Variants in CNTLN observed in about 807,000 individuals in gnomAD.
CNTLN encodes the protein centlein, also known as centlein, centrosomal protein.
In CNTLN, 212 loss-of-function variants were observed where a neutral mutation model predicts 180.0. The observed-to-expected ratio is 1.18, with a 90% CI of 1.05 to 1.32. The LOEUF (loss-of-function observed/expected upper bound fraction) is 1.32. Among genes scored for constraint, CNTLN ranks in the 40% most tolerant of loss-of-function variants. The probability of loss-of-function intolerance (pLI) is 0.00; values close to 1 mark genes in which losing one functional copy is unlikely to be tolerated. For missense variants in CNTLN, 2,095 were observed against 1,610.9 expected (o/e 1.30, Z -5.14); for synonymous variants, 722 against 563.1 (o/e 1.28, Z -3.99).
intron 18 of CNTLN, among the ~76,000 whole-genome samples, chr9:17,419,631 A>G (rs545720207): frequency 9.2e-5 from 14 of 152,292 alleles, no homozygotes; most frequent in African/African-American, 2.4e-4. Flanking sequence ...TCTATAAAAG[A>G]TTTTTGGAAA....
At chr9:17,309,304 TCTC>T (rs759524974) in intron 8 of CNTLN, 52 bp downstream of exon 8, 10 of 1,336,690 alleles carry the variant, frequency 7.5e-6, no homozygotes, top group African/African-American at 2.9e-5. Flanking sequence ...AATGAAATCA[TCTC>T]CTACAATTGA....
chr9:17,142,454 AT>A (rs892716224), intron 1 of CNTLN, among the ~76,000 whole-genome samples: 9 of 151,744 alleles, frequency 5.9e-5, no homozygotes, highest in South Asian at 4.2e-4. Flanking sequence ...GGAACCAATA[AT>A]TTTTTTTTGA....
At chr9:17,478,413 C>G (rs1453299247) in intron 23 of CNTLN, among the ~76,000 whole-genome samples, 1 of 151,976 alleles carries the variant, frequency 6.6e-6, no homozygotes, top group African/African-American at 2.4e-5. Context: ...TTGATGTAGT[C>G]CTACTTATTT....
At chr9:17,453,167 G>T (rs1830890075) in intron 18 of CNTLN, among the ~76,000 whole-genome samples, 1 of 151,948 alleles carries the variant, frequency 6.6e-6, no homozygotes, top group South Asian at 2.1e-4. Context: ...TTAAAAATTG[G>T]CTGGGTATGA....
chr9:17,213,215 A>G (rs918738817), intron 2 of CNTLN, among the ~76,000 whole-genome samples: 3 of 152,184 alleles, frequency 2.0e-5, no homozygotes, highest in Non-Finnish European at 4.4e-5. Flanking sequence ...TTCCCTCTAC[A>G]CACTGCTTTA....
At chr9:17,187,389 A>G (rs73416380) in intron 2 of CNTLN, among the ~76,000 whole-genome samples, 1,814 of 152,092 alleles carry the variant, frequency 0.012, 30 homozygotes, top group African/African-American at 0.042. Flanking sequence ...TCATGTTTTT[A>G]AGGTTGAGAA....
rs762739548 is a variant in CNTLN, at chr9:17,309,269, A to G, written c.1341+17A>G. The G allele has an allele frequency of 1.1e-5, 17 of 1,521,586 alleles. No individual in the cohort carries two copies. In the South Asian group the frequency reaches 2.1e-4, roughly 19 times the overall value. 94.3% of individuals were successfully genotyped at this position (1,521,586 alleles called of 1,614,324 possible). A position where few individuals can be genotyped will look rare whatever the true frequency, so the allele number is the denominator to read the frequency against. ...TCAGCACAGGTGAGAGACATTTTCTAAAACTGTTATTCAGTGTAATATTAA... is the reference window on the plus strand; with the variant it reads ...TCAGCACAGGTGAGAGACATTTTCTGAAACTGTTATTCAGTGTAATATTAA... On this transcript the variant is annotated intron_variant, in intron 8 of 25. Transcript: ENST00000380647.
chr9:17,473,676 T>C (rs1832162885), intron 23 of CNTLN, among the ~76,000 whole-genome samples: 1 of 152,186 alleles, frequency 6.6e-6, no homozygotes, highest in Admixed American at 6.5e-5. Context: ...TCTCCTCTTT[T>C]ATGTAGCAAA....
chr9:17,206,681 T>G (rs893803246), intron 2 of CNTLN, among the ~76,000 whole-genome samples: 2 of 152,154 alleles, frequency 1.3e-5, no homozygotes, highest in Admixed American at 1.3e-4. Context: ...AATATTAAAT[T>G]TGAACTCAAT....
chr9:17,510,782 A>G, the CNTLN span, among the ~76,000 whole-genome samples: 43 of 152,322 alleles, frequency 2.8e-4, no homozygotes, highest in Middle Eastern at 3.4e-3. Context: ...CTGTTTTCCT[A>G]GAGAACCCTA....
intron 2 of CNTLN, among the ~76,000 whole-genome samples, chr9:17,206,797 C>G (rs916254282): frequency 2.6e-5 from 4 of 152,236 alleles, no homozygotes; most frequent in African/African-American, 9.6e-5. Context: ...TCGGAGAAAT[C>G]TCTGTTTCAA....
At chr9:17,302,543 T>G (rs1818443007) in intron 7 of CNTLN, among the ~76,000 whole-genome samples, 2 of 152,092 alleles carry the variant, frequency 1.3e-5, no homozygotes, top group South Asian at 4.1e-4. Context: ...CCTTTTAAAA[T>G]TATGCCATAA....
intron 5 of CNTLN, among the ~76,000 whole-genome samples, chr9:17,239,845 A>G (rs1262275833): frequency 6.6e-6 from 1 of 152,160 alleles, no homozygotes; most frequent in East Asian, 1.9e-4. Flanking sequence ...CCTCCTGTCT[A>G]TGCCACATTT....
intron 2 of CNTLN, among the ~76,000 whole-genome samples, chr9:17,157,577 G>A (rs952264202): frequency 6.6e-6 from 1 of 152,150 alleles, no homozygotes; most frequent in Non-Finnish European, 1.5e-5. Context: ...CAGTGCTTCT[G>A]GAAGAGATTA....
chr9:17,254,878 G>A lies in CNTLN; in HGVS notation c.849+18290G>A, dbSNP rs572868451. Reference sequence around the variant, plus strand: ...ATTAAATCTGTAGCTCACTTTTGGCGTTTTTTACATCTTAACAACATTGTC... The same window carrying A: ...ATTAAATCTGTAGCTCACTTTTGGCATTTTTTACATCTTAACAACATTGTC... On this transcript the variant is annotated intron_variant, in intron 5 of 25. Coordinates refer to ENST00000380647, the MANE Select transcript of CNTLN (RefSeq NM_017738.4). 1.1e-4 allele frequency among the ~76,000 whole-genome samples: 16 copies of A among 151,670 alleles called. No individual in the cohort carries two copies. The South Asian group carries it at 1.2e-3, about 12-fold the overall frequency.
intron 6 of CNTLN, among the ~76,000 whole-genome samples, chr9:17,284,696 C>G (rs2132619502): frequency 6.6e-6 from 1 of 152,012 alleles, no homozygotes; most frequent in South Asian, 2.1e-4. Flanking sequence ...TTAATTTTTT[C>G]AACAAACGGC....
chr9:17,269,625 A>G (rs1423906913), intron 5 of CNTLN, among the ~76,000 whole-genome samples: 3 of 152,300 alleles, frequency 2.0e-5, no homozygotes, highest in East Asian at 1.9e-4. Context: ...TTGTGATCAG[A>G]AAAAATACTT....
chr9:17,208,305 TC>T (rs1823062051), intron 2 of CNTLN, among the ~76,000 whole-genome samples: 1 of 152,168 alleles, frequency 6.6e-6, no homozygotes, highest in Admixed American at 6.5e-5. Context: ...TATTATTGCT[TC>T]CCCAGGATAA....
chr9:17,515,218 T>C, the CNTLN span, among the ~76,000 whole-genome samples: 3 of 152,164 alleles, frequency 2.0e-5, no homozygotes, highest in African/African-American at 7.2e-5. Flanking sequence ...CTTTGCTTCT[T>C]GTACCCCACT....
Sources: gnomAD v4.1 joint callset for allele counts (sites outside exome capture counted in the v4.1 genomes callset) on GRCh38, gnomAD v4.1.1 for gene constraint, MANE v1.5 for transcripts, NCBI Gene and HGNC (gene_info 2026-07-23, HGNC 2026-07-21) for gene names.